Variants in ARMH3 observed in about 807,000 individuals in gnomAD.
ARMH3 encodes armadillo like helical domain containing 3, also known as armadillo-like helical domain-containing protein 3.
Under a neutral mutation model 99.1 loss-of-function variants are expected in ARMH3, and 60 were observed. That is an observed-to-expected ratio of 0.61 (90% CI 0.49 to 0.75). The LOEUF is 0.75. ARMH3 is among the 30% of genes least tolerant of loss of function. ARMH3 has a pLI of 0.00. For synonymous variants in ARMH3, 285 were observed against 292.8 expected (o/e 0.97, Z 0.27); for missense variants, 679 against 843.1 (o/e 0.81, Z 2.41).
Position 102,033,044 on chromosome 10 carries a change from C to G in ARMH3, c.288G>C (p.Arg96=), listed in dbSNP as rs1485930863. The change falls in exon 4 of 26, where the codon CGG becomes CGC. Residue 96 remains arginine, a synonymous_variant. Coordinates refer to ENST00000370033, the MANE Select transcript of ARMH3 (RefSeq NM_024541.3). ...CTTGTACCTGCAATGCATTGACAAC[C>G]CGAATTGGATGCTCCTCTCCCAGAG... ...IQALGEEHPI[R]VVNALQTLCA... is the part of the protein sequence containing the mutation. 6.2e-7 allele frequency: 1 copy of G among 1,614,046 alleles called. No individual in the cohort carries two copies. Among genetic ancestry groups the G allele is most frequent in the Admixed American group, 1.7e-5 (1 of 60,010 alleles).
chr10:101,950,842 T>C (rs1590072179), intron 22 of ARMH3, among the ~76,000 whole-genome samples: 1 of 152,148 alleles, frequency 6.6e-6, no homozygotes, highest in Admixed American at 6.5e-5. Flanking sequence ...GGTTTCCTGT[T>C]GGGGTGATGA....
intron 5 of ARMH3, among the ~76,000 whole-genome samples, chr10:102,025,630 GTTTCTTTTCT>G (rs537659996): frequency 2.0e-4 from 30 of 151,972 alleles, no homozygotes; most frequent in South Asian, 4.2e-4. Flanking sequence ...AATTGTATAT[GTTTCTTTTCT>G]TTTCTTTTCT....
intron 24 of ARMH3, among the ~76,000 whole-genome samples, chr10:101,855,711 A>T (rs906327937): frequency 2.7e-5 from 4 of 146,822 alleles, no homozygotes; most frequent in African/African-American, 4.9e-5. Context: ...ATATATATAT[A>T]TTTTATATAT....
intron 9 of ARMH3, among the ~76,000 whole-genome samples, chr10:102,013,346 T>C (rs1336607069): frequency 6.6e-6 from 1 of 152,194 alleles, no homozygotes. Flanking sequence ...AAGTGACTTA[T>C]CAACTTTCCC....
At chr10:101,900,747 C>T (rs759539590) in intron 23 of ARMH3, among the ~76,000 whole-genome samples, 2 of 152,090 alleles carry the variant, frequency 1.3e-5, no homozygotes, top group African/African-American at 2.4e-5. Context: ...TTTGGGACGC[C>T]CAGGTGGGAG....
intron 20 of ARMH3, among the ~76,000 whole-genome samples, chr10:101,971,247 A>G (rs983939388): frequency 4.6e-5 from 7 of 152,140 alleles, no homozygotes; most frequent in African/African-American, 1.4e-4. Context: ...TTGCTAACCT[A>G]AAGTTCCCAG....
chr10:101,929,979 C>T (rs1303253221), intron 23 of ARMH3, among the ~76,000 whole-genome samples: 1 of 152,062 alleles, frequency 6.6e-6, no homozygotes, highest in East Asian at 1.9e-4. Context: ...CAAATTGTTC[C>T]AATGAGCATT....
At chr10:102,000,009 G>C (rs2066314293) in intron 15 of ARMH3, among the ~76,000 whole-genome samples, 1 of 152,146 alleles carries the variant, frequency 6.6e-6, no homozygotes, top group Admixed American at 6.6e-5. Flanking sequence ...CTTGAACCTA[G>C]GAGGCGGAGG....
intron 23 of ARMH3, among the ~76,000 whole-genome samples, chr10:101,891,131 C>T (rs889965270): frequency 1.1e-4 from 16 of 151,974 alleles, no homozygotes; most frequent in African/African-American, 3.9e-4. Flanking sequence ...CTCCTCACCT[C>T]CTAAAATGCT....
intron 8 of ARMH3, among the ~76,000 whole-genome samples, chr10:102,016,561 A>G (rs796337709): frequency 2.0e-5 from 3 of 152,354 alleles, no homozygotes; most frequent in African/African-American, 7.2e-5. Flanking sequence ...TTAATTAGAC[A>G]TAACAAACAA....
intron 20 of ARMH3, among the ~76,000 whole-genome samples, chr10:101,964,026 G>A (rs967073688): frequency 1.3e-5 from 2 of 151,800 alleles, no homozygotes; most frequent in Admixed American, 6.6e-5. Flanking sequence ...ACAGGCGCCC[G>A]CCACCACGCC....
intron 24 of ARMH3, among the ~76,000 whole-genome samples, chr10:101,863,263 A>G (rs1027811436): frequency 6.6e-6 from 1 of 152,248 alleles, no homozygotes; most frequent in African/African-American, 2.4e-5. Flanking sequence ...TTAATATCTG[A>G]CAAAGGAAAC....
intron 5 of ARMH3, among the ~76,000 whole-genome samples, chr10:102,027,278 CAAAAAAAAAAA>C (rs1228063848): frequency 1.8e-5 from 1 of 56,496 alleles, no homozygotes; most frequent in Non-Finnish European, 3.9e-5. Flanking sequence ...GATTCCGTCT[CAAAAAAAAAAA>C]AAAAAAAAGA....
At position 102,002,041 on chromosome 10, in the gene ARMH3, T is replaced by G; in HGVS notation, c.1080A>C (p.Ala360=). Residue 360 remains alanine, a synonymous_variant, in exon 15 of 26, where the codon GCA becomes GCC. Transcript: ENST00000370033. ...VISSVELPLD[A]DVQTSNLLIT... is the part of the protein sequence containing the mutation. ...TCAGTAGATTACTGGTCTGTACATC[T>G]GCATCCAGTGGGAGTTCCACAGAAC... The G allele has an allele frequency of 6.2e-7, 1 of 1,614,166 alleles. No homozygotes were observed. Among genetic ancestry groups the G allele is most frequent in the Non-Finnish European group, 8.5e-7 (1 of 1,180,022 alleles).
chr10:101,979,049 C>G (rs1251490225), intron 19 of ARMH3, among the ~76,000 whole-genome samples: 1 of 152,052 alleles, frequency 6.6e-6, no homozygotes, highest in Non-Finnish European at 1.5e-5. Context: ...AAGGCTGAAA[C>G]AGGAGGATCG....
chr10:101,966,039 T>G (rs1255272864), intron 20 of ARMH3, among the ~76,000 whole-genome samples: 1 of 151,998 alleles, frequency 6.6e-6, no homozygotes, highest in East Asian at 1.9e-4. Flanking sequence ...GATGGTTCCC[T>G]AAGTCCCACG....
intron 24 of ARMH3, among the ~76,000 whole-genome samples, chr10:101,854,997 G>T (rs561860050): frequency 1.8e-4 from 8 of 45,630 alleles, no homozygotes; most frequent in African/African-American, 6.7e-4. Flanking sequence ...CAGGGGCTAG[G>T]GCCTCATACA....
At position 102,033,172 on chromosome 10, in the gene ARMH3, C is replaced by T. The variant is rs992322709; in HGVS notation, c.160G>A (p.Val54Met). ...RFWEELFLMK[V>M]NLEYLEGKLE... ...TTGCCTTCTAGGTACTCTAAATTCA[C>T]CTGCCAAGGAAACAAATAAGGGGCA... is the stretch of plus-strand genomic sequence containing the variant. Residue 54 changes from valine to methionine, a missense_variant and splice_region_variant, in exon 4 of 26, where the codon GTG becomes ATG. This residue lies in a region of ARMH3 where 280 missense variants were observed against 354.6 expected (regional missense o/e 0.79). Transcript: ENST00000370033. 2 of 1,614,012 alleles carry T rather than the reference C, an allele frequency of 1.2e-6. No individual in the cohort carries two copies. Among genetic ancestry groups the T allele is most frequent in the Non-Finnish European group, 1.7e-6 (2 of 1,180,010 alleles).
At chr10:101,987,945 T>C (rs1447371610) in intron 19 of ARMH3, among the ~76,000 whole-genome samples, 2 of 152,226 alleles carry the variant, frequency 1.3e-5, no homozygotes, top group African/African-American at 4.8e-5. Flanking sequence ...TTTAACACTC[T>C]TTAAGAAAAG....
Sources: allele counts gnomAD v4.1 joint callset (sites outside exome capture counted in the v4.1 genomes callset), GRCh38; gene constraint gnomAD v4.1.1; regional missense constraint gnomAD v4.1.1; transcripts MANE v1.5; gene names NCBI Gene and HGNC (gene_info 2026-07-23, HGNC 2026-07-21).